PREX1: variants seen among roughly 807,000 people sequenced by gnomAD.
PREX1 encodes the protein phosphatidylinositol-3,4,5-trisphosphate dependent Rac exchange factor 1.
A neutral mutation model predicts 198.3 loss-of-function variants in PREX1; 41 were observed. That is an observed-to-expected ratio of 0.21 (90% CI 0.16 to 0.27). The LOEUF (loss-of-function observed/expected upper bound fraction) is 0.27, where lower values mean the gene tolerates loss of function less well. Among genes scored for constraint, PREX1 ranks in the 10% least tolerant of loss-of-function variants. The pLI is 1.00. For synonymous variants in PREX1, 843 were observed against 887.2 expected (o/e 0.95, Z 0.89); for missense variants, 1,620 against 2,200.7 (o/e 0.74, Z 5.28).
At chr20:48,858,475 G>C in the PREX1 span, among the ~76,000 whole-genome samples, 1 of 152,226 alleles carries the variant, frequency 6.6e-6, no homozygotes, top group East Asian at 1.9e-4. Flanking sequence ...ATTGGGGATG[G>C]GGAAAAGGAG....
the PREX1 span, among the ~76,000 whole-genome samples, chr20:48,884,885 A>G: frequency 1.6e-4 from 25 of 152,190 alleles, no homozygotes; most frequent in African/African-American, 5.5e-4. Flanking sequence ...GCAGAGGTGG[A>G]TGGATCATTT....
chr20:48,701,810 G>C (rs1338300136), intron 6 of PREX1, among the ~76,000 whole-genome samples: 3 of 152,218 alleles, frequency 2.0e-5, no homozygotes, highest in African/African-American at 7.2e-5. Context: ...AGCAGCAGGG[G>C]AAGGGGTGAC....
intron 1 of PREX1, among the ~76,000 whole-genome samples, chr20:48,806,697 C>A (rs2090413350): frequency 6.6e-6 from 1 of 152,230 alleles, no homozygotes; most frequent in South Asian, 2.1e-4. Context: ...ACCAGCGCCT[C>A]TCAGACTTTG....
chr20:48,724,288 G>A (rs974178143), intron 5 of PREX1, among the ~76,000 whole-genome samples: 1 of 152,188 alleles, frequency 6.6e-6, no homozygotes, highest in East Asian at 1.9e-4. Flanking sequence ...CTCCAAGAGG[G>A]GGCTAATCAC....
intron 29 of PREX1, among the ~76,000 whole-genome samples, chr20:48,641,850 G>GA (rs2089414578): frequency 2.7e-5 from 1 of 36,530 alleles, no homozygotes; most frequent in African/African-American, 9.4e-5. Flanking sequence ...GAGGAAGGAA[G>GA]GAAGGAAGGA....
At chr20:48,715,837 G>A (rs1353734128) in intron 5 of PREX1, among the ~76,000 whole-genome samples, 8 of 152,152 alleles carry the variant, frequency 5.3e-5, no homozygotes. Context: ...AGTGTATTAA[G>A]TCATTTCATC....
At chr20:48,653,219 C>T in intron 20 of PREX1, 142 bp downstream of exon 20, 1 of 1,311,964 alleles carries the variant, frequency 7.6e-7, no homozygotes, top group Non-Finnish European at 1.0e-6. Flanking sequence ...TCAGGCCCAG[C>T]TCCCTCTTGT....
the PREX1 span, among the ~76,000 whole-genome samples, chr20:48,858,043 C>T: frequency 6.6e-6 from 1 of 152,202 alleles, no homozygotes; most frequent in Non-Finnish European, 1.5e-5. Context: ...CCGATGGCAG[C>T]GGCAGGGGCC....
At chr20:48,663,313 C>A (rs1347700057) in intron 15 of PREX1, among the ~76,000 whole-genome samples, 1 of 152,246 alleles carries the variant, frequency 6.6e-6, no homozygotes, top group Non-Finnish European at 1.5e-5. Context: ...GTCTCCAGCA[C>A]GTGGCTCACT....
intron 5 of PREX1, 76 bp from the exon 6 acceptor site, chr20:48,708,497 C>T (rs2089914013): frequency 6.7e-7 from 1 of 1,492,512 alleles, no homozygotes; most frequent in Non-Finnish European, 9.1e-7. Flanking sequence ...AGAGCTGAAC[C>T]CAAGAAAACA....
At chr20:48,631,130 ACT>A (rs1297046978) in intron 35 of PREX1, among the ~76,000 whole-genome samples, 2 of 152,116 alleles carry the variant, frequency 1.3e-5, no homozygotes, top group African/African-American at 2.4e-5. Context: ...CTCTGGGCTT[ACT>A]GGTTTACTGT....
chr20:48,642,925 TC>T (rs1233163271), intron 27 of PREX1, among the ~76,000 whole-genome samples: 2 of 152,226 alleles, frequency 1.3e-5, no homozygotes, highest in Non-Finnish European at 2.9e-5. Context: ...AACAATTTCT[TC>T]CATTTTACTT....
intron 25 of PREX1, 101 bp from the exon 26 acceptor site, chr20:48,646,158 C>T: frequency 1.7e-6 from 2 of 1,194,428 alleles, no homozygotes; most frequent in South Asian, 2.6e-5. Flanking sequence ...CACTGGCCCT[C>T]CTGTTGGGGG....
intron 25 of PREX1, among the ~76,000 whole-genome samples, chr20:48,647,519 C>CAAAAAAAA (rs765244255): frequency 8.1e-5 from 4 of 49,594 alleles, no homozygotes; most frequent in East Asian, 6.3e-4. Flanking sequence ...GACAACATCT[C>CAAAAAAAA]AAAAAAAAAA....
rs562821893 is a variant in PREX1 at position 48,684,888 on chromosome 20, T to G, written c.1335-3553A>C. ...GCAGCCTCAGGGCTTTCGCGCCTACTGCTTCCTAAGCCAGGAATGCTGTTC... is the reference window on the plus strand; with the variant it reads ...GCAGCCTCAGGGCTTTCGCGCCTACGGCTTCCTAAGCCAGGAATGCTGTTC... On this transcript the variant is annotated intron_variant, in intron 10 of 39. Transcript: ENST00000371941. The surrounding 1 kb of genome is among the most constrained non-coding windows in gnomAD (Gnocchi z 4.2). Among the ~76,000 whole-genome samples, 2 of 152,246 alleles carry G rather than the reference T, an allele frequency of 1.3e-5. No homozygotes were observed. The highest frequency in any genetic ancestry group is 2.9e-5 in the Non-Finnish European group (2 of 68,030).
intron 23 of PREX1, 60 bp from the exon 24 acceptor site, chr20:48,650,266 C>A: frequency 6.6e-7 from 1 of 1,503,926 alleles, no homozygotes. Context: ...AATATTGGCC[C>A]ATACCCAGTA....
chr20:48,656,814 C>T lies in PREX1; in HGVS notation c.2123+226G>A, dbSNP rs533370515. ...TCTGAGATCTATGAATGGCAGGAACCGCATGCATCCCCACGTGGCTGGATT... is the reference window on the plus strand; with the variant it reads ...TCTGAGATCTATGAATGGCAGGAACTGCATGCATCCCCACGTGGCTGGATT... On this transcript the variant is annotated intron_variant, in intron 18 of 39. Coordinates refer to ENST00000371941, the MANE Select transcript of PREX1 (RefSeq NM_020820.4). Among the ~76,000 whole-genome samples the T allele has an allele frequency of 3.9e-5, 6 of 152,310 alleles. No individual in the cohort carries two copies. In the East Asian group the frequency reaches 9.6e-4, roughly 24 times the overall value.
chr20:48,760,896 G>A (rs1296008262), intron 1 of PREX1, among the ~76,000 whole-genome samples: 1 of 152,176 alleles, frequency 6.6e-6, no homozygotes, highest in Non-Finnish European at 1.5e-5. Context: ...TGCGCTAAGA[G>A]CCAATGACAC....
chr20:48,661,327 G>C (rs1460643539), intron 15 of PREX1, among the ~76,000 whole-genome samples: 1 of 144,894 alleles, frequency 6.9e-6, no homozygotes, highest in Non-Finnish European at 1.5e-5. Context: ...GCTGAGGCAG[G>C]AGAACTGCTT....
Sources: allele counts gnomAD v4.1 joint callset (sites outside exome capture counted in the v4.1 genomes callset), GRCh38; gene constraint gnomAD v4.1.1; non-coding constraint Gnocchi (gnomAD v3.1); transcripts MANE v1.5; gene names NCBI Gene and HGNC (gene_info 2026-07-23, HGNC 2026-07-21).